Variants in MIDEAS observed in about 807,000 individuals in gnomAD.
The protein encoded by MIDEAS is mitotic deacetylase associated SANT domain protein.
In MIDEAS, 26 loss-of-function variants were observed where a neutral mutation model predicts 102.7. That is an observed-to-expected ratio of 0.25 (90% CI 0.19 to 0.35). The LOEUF (loss-of-function observed/expected upper bound fraction) is 0.35, where lower values mean the gene tolerates loss of function less well. Among genes scored for constraint, MIDEAS ranks in the 10% least tolerant of loss-of-function variants. MIDEAS has a pLI of 1.00. For missense variants in MIDEAS, 1,231 were observed against 1,435.6 expected (o/e 0.86, Z 2.30); for synonymous variants, 585 against 591.0 (o/e 0.99, Z 0.15).
intron 1 of MIDEAS, among the ~76,000 whole-genome samples, chr14:73,779,635 T>C (rs2053731368): frequency 7.2e-6 from 1 of 139,386 alleles, no homozygotes; most frequent in South Asian, 2.4e-4. Flanking sequence ...CGGACTGCAG[T>C]GGCGCAATCT....
chr14:73,738,485 A>C, intron 2 of MIDEAS, 75 bp downstream of exon 2: 1 of 1,425,316 alleles, frequency 7.0e-7, no homozygotes, highest in Non-Finnish European at 9.2e-7. Flanking sequence ...CTAGGCAAGA[A>C]GCAAATCCTG....
intron 1 of MIDEAS, among the ~76,000 whole-genome samples, chr14:73,765,870 T>A (rs2053588417): frequency 6.6e-6 from 1 of 152,186 alleles, no homozygotes; most frequent in Admixed American, 6.5e-5. Context: ...CCAGATCTAC[T>A]TTGTAAAGTT....
chr14:73,761,689 C>A (rs1262955001), upstream of MIDEAS, among the ~76,000 whole-genome samples: 1 of 152,134 alleles, frequency 6.6e-6, no homozygotes, highest in Non-Finnish European at 1.5e-5. Context: ...AAAAAAAAGC[C>A]CGGGCTCCCC....
At chr14:73,743,884 C>T (rs1182208414) in intron 1 of MIDEAS, among the ~76,000 whole-genome samples, 1 of 152,104 alleles carries the variant, frequency 6.6e-6, no homozygotes, top group Non-Finnish European at 1.5e-5. Context: ...TCACTTTTCC[C>T]TTCCTCCAGG....
intron 1 of MIDEAS, among the ~76,000 whole-genome samples, chr14:73,744,218 C>T (rs1214991783): frequency 2.0e-5 from 3 of 152,236 alleles, no homozygotes; most frequent in African/African-American, 7.2e-5. Flanking sequence ...GGCAGCCCAG[C>T]TGCACACCCA....
chr14:73,773,314 G>A (rs1245816382), intron 1 of MIDEAS, among the ~76,000 whole-genome samples: 1 of 151,852 alleles, frequency 6.6e-6, no homozygotes, highest in African/African-American at 2.4e-5. Context: ...ATGACTGGTG[G>A]ATGTTGGAGG....
chr14:73,725,539 A>T lies in MIDEAS; in HGVS notation c.2486-179T>A, dbSNP rs1468241399. On this transcript the variant is annotated intron_variant, in intron 8 of 12. Transcript: ENST00000423556. The surrounding 1 kb of genome is among the most constrained non-coding windows in gnomAD (Gnocchi z 4.1). ...CTCGCTCCCTTGCTTGTGAAATGGA[A>T]ACTAATATCACCTAGCTCACCAGCT... Among the ~76,000 whole-genome samples the T allele has an allele frequency of 1.3e-5, 2 of 152,206 alleles. No homozygotes were observed. The highest frequency in any genetic ancestry group is 4.8e-5 in the African/African-American group (2 of 41,462).
intron 2 of MIDEAS, among the ~76,000 whole-genome samples, chr14:73,737,860 C>A (rs2053223495): frequency 6.7e-6 from 1 of 148,706 alleles, no homozygotes; most frequent in South Asian, 2.1e-4. Context: ...TGGTTCACTG[C>A]AACCTCTGCC....
At position 73,715,534 on chromosome 14, in the gene MIDEAS, A is replaced by G. The variant is rs1296915628; in HGVS notation, c.*3309T>C. Reference sequence around the variant, plus strand: ...GCCTTCAACTTAGAGACAAATGAGGAAAAAGTGAAACAGCTGCAAATTGTT... The same window carrying G: ...GCCTTCAACTTAGAGACAAATGAGGGAAAAGTGAAACAGCTGCAAATTGTT... On this transcript the variant is annotated 3_prime_UTR_variant, in exon 13 of 13. Coordinates refer to ENST00000423556, the MANE Select transcript of MIDEAS (RefSeq NM_001367710.1). 1 of 152,518 alleles carries G rather than the reference A, an allele frequency of 6.6e-6. No individual in the cohort carries two copies. The highest frequency in any genetic ancestry group is 1.9e-4 in the East Asian group (1 of 5,208). 9.4% of individuals were successfully genotyped at this position (152,518 alleles called of 1,614,324 possible).
Position 73,779,578 on chromosome 14 carries a change from T to A in MIDEAS, c.-248+7524A>T, listed in dbSNP as rs867795404. On this transcript the variant is annotated intron_variant, in intron 1 of 11. Transcript: ENST00000394071. ...TGTTTATTATTATTATTATTATTTTTTTTTTTTTTTGAGACGGAGTCTCGC... is the reference window on the plus strand; with the variant it reads ...TGTTTATTATTATTATTATTATTTTATTTTTTTTTTGAGACGGAGTCTCGC... 2.4e-3 allele frequency among the ~76,000 whole-genome samples: 342 copies of A among 141,230 alleles called. 2 individuals are homozygous for A. Among genetic ancestry groups the A allele is most frequent in the Non-Finnish European group, 2.8e-3 (184 of 64,914 alleles). The allele number at this position is 141,230 out of a possible 152,430, so 92.7% of individuals were successfully genotyped here. A position where few individuals can be genotyped will look rare whatever the true frequency, so the allele number is the denominator to read the frequency against.
chr14:73,746,357 C>A (rs1245723270), intron 1 of MIDEAS, among the ~76,000 whole-genome samples: 6 of 152,238 alleles, frequency 3.9e-5, no homozygotes, highest in African/African-American at 1.2e-4. Context: ...ACTGAAGGGA[C>A]TGCCTGCCTT....
upstream of MIDEAS, chr14:73,790,042 A>C (rs1243007111): frequency 6.6e-6 from 1 of 152,188 alleles, no homozygotes; most frequent in Non-Finnish European, 1.5e-5. Context: ...GAGGGTCAAA[A>C]AACTAGGAAG....
Position 73,718,995 on chromosome 14 carries a change from C to T in MIDEAS, c.3148G>A (p.Val1050Met), listed in dbSNP as rs2052940532. Reference protein sequence around the residue: ...CKKCGRVFYKVKSRSAHMKSH... With the variant: ...CKKCGRVFYKMKSRSAHMKSH... ...TTCATATGCGCACTGCGGCTCTTCA[C>T]CTTGTAAAACACCCTGCAGCCGGGT... Residue 1050 changes from valine to methionine, a missense_variant, in exon 13 of 13, where the codon GTG becomes ATG. Physicochemically the swap from Val to Met is conservative, Grantham distance 21. This residue lies in a region of MIDEAS where 391 missense variants were observed against 483.0 expected (regional missense o/e 0.81). Transcript: ENST00000423556. 6.7e-7 allele frequency: 1 copy of T among 1,490,206 alleles called. No individual in the cohort carries two copies. Among genetic ancestry groups the T allele is most frequent in the Non-Finnish European group, 8.9e-7 (1 of 1,127,698 alleles). The allele number at this position is 1,490,206 out of a possible 1,614,324, so 92.3% of individuals were successfully genotyped here. A position where few individuals can be genotyped will look rare whatever the true frequency, so the allele number is the denominator to read the frequency against.
rs1301996129 is a variant in MIDEAS at position 73,725,325 on chromosome 14, A to G, written c.2521T>C (p.Phe841Leu). 1.9e-6 allele frequency: 3 copies of G among 1,614,082 alleles called. No individual in the cohort carries two copies. Among genetic ancestry groups the G allele is most frequent in the Non-Finnish European group, 2.5e-6 (3 of 1,179,974 alleles). Residue 841 changes from phenylalanine to leucine, a missense_variant, in exon 9 of 13, where the codon TTC becomes CTC. Coordinates refer to ENST00000423556, the MANE Select transcript of MIDEAS (RefSeq NM_001367710.1). The surrounding 1 kb of genome is among the most constrained non-coding windows in gnomAD (Gnocchi z 4.1). ...TTGTAGATGGCAATGCCTTTGTTGA[A>G]CAGCTTCCTCTCGGCCATCTTCCAC... ...DQWKMAERKL[F>L]NKGIAIYKKD...
At position 73,726,927 on chromosome 14, in the gene MIDEAS, C is replaced by G. The variant is rs767857371; in HGVS notation, c.2208G>C (p.Met736Ile). Reference protein sequence around the residue: ...GSRFQAEIPLMRDRALAAADP... With the variant: ...GSRFQAEIPLIRDRALAAADP... ...CTGCAGCTGCCAGGGCACGGTCCCTCATCAAGGGGATTTCTGCCTGGAACC... is the reference window on the plus strand; with the variant it reads ...CTGCAGCTGCCAGGGCACGGTCCCTGATCAAGGGGATTTCTGCCTGGAACC... The change falls in exon 6 of 13, where the codon ATG (methionine) becomes ATC (isoleucine). Residue 736 changes from methionine (M) to isoleucine (I), a missense_variant. Transcript: ENST00000423556. 4 of 1,613,644 alleles carry G rather than the reference C, an allele frequency of 2.5e-6. No homozygotes were observed. Among genetic ancestry groups the G allele is most frequent in the Non-Finnish European group, 3.4e-6 (4 of 1,179,638 alleles).
Position 73,717,836 on chromosome 14 carries a change from A to C in MIDEAS, c.*1007T>G, listed in dbSNP as rs7157499. Reference sequence around the variant, plus strand: ...CAGGGAAGGATCCAGAAATCTCCAAAGTGCAGGCCTGGGGGCTGGGTTGTG... The same window carrying C: ...CAGGGAAGGATCCAGAAATCTCCAACGTGCAGGCCTGGGGGCTGGGTTGTG... On this transcript the variant is annotated 3_prime_UTR_variant, in exon 13 of 13. Coordinates refer to ENST00000423556, the MANE Select transcript of MIDEAS (RefSeq NM_001367710.1). 0.74 allele frequency: 112,875 copies of C among 152,472 alleles called. 42,052 individuals carry two copies. Among genetic ancestry groups the C allele is most frequent in the East Asian group, 0.93 (4,790 of 5,164 alleles). 9.4% of individuals were successfully genotyped at this position (152,472 alleles called of 1,614,324 possible).
Position 73,721,583 on chromosome 14 carries a change from C to CG in MIDEAS, c.2725-75dup, listed in dbSNP as rs540068598. ...GCTGTAGCACAGATTCTGACCCGGCCGGGGGGTTCACCAGCCCCAGCTAGT... is the reference window on the plus strand; with the variant it reads ...GCTGTAGCACAGATTCTGACCCGGCCGGGGGGGTTCACCAGCCCCAGCTAGT... On this transcript the variant is annotated intron_variant, in intron 10 of 12. Coordinates refer to ENST00000423556, the MANE Select transcript of MIDEAS (RefSeq NM_001367710.1). The CG allele has an allele frequency of 4.1e-5, 59 of 1,431,682 alleles. No individual in the cohort carries two copies. The South Asian group carries it at 5.3e-4, about 13-fold the overall frequency. The allele number at this position is 1,431,682 out of a possible 1,614,324, so 88.7% of individuals were successfully genotyped here.
intron 12 of MIDEAS, 83 bp downstream of exon 12, chr14:73,719,222 T>TCCCCCCCCCCCCCCCCCCCCCCCCCCCCC: frequency 4.0e-5 from 60 of 1,497,116 alleles, no homozygotes; most frequent in Middle Eastern, 2.4e-4. Flanking sequence ...CTGTACCTCT[T>TCCCCCCCCCCCCCCCCCCCCCCCCCCCCC]CCCCCTCCCC....
chr14:73,732,669 C>T (rs1237604907), intron 3 of MIDEAS, among the ~76,000 whole-genome samples: 1 of 150,036 alleles, frequency 6.7e-6, no homozygotes, highest in Non-Finnish European at 1.5e-5. Flanking sequence ...GCCTGTAATC[C>T]CAGCAACTCA....
Sources: allele counts gnomAD v4.1 joint callset (sites outside exome capture counted in the v4.1 genomes callset), GRCh38; gene constraint gnomAD v4.1.1; regional missense constraint gnomAD v4.1.1; non-coding constraint Gnocchi (gnomAD v3.1); transcripts MANE v1.5; gene names NCBI Gene and HGNC (gene_info 2026-07-23, HGNC 2026-07-21).